Variants in TAFA4 observed in about 807,000 individuals in gnomAD.
TAFA4 encodes TAFA chemokine like family member 4.
Under a neutral mutation model 21.1 loss-of-function variants are expected in TAFA4, and 20 were observed. The observed-to-expected ratio is 0.95, with a 90% CI of 0.67 to 1.38. The LOEUF (loss-of-function observed/expected upper bound fraction) is 1.38, where lower values mean the gene tolerates loss of function less well. Ranked by LOEUF, TAFA4 falls within the 40% of genes most tolerant of loss-of-function variation. The pLI is 0.00. For missense variants in TAFA4, 211 were observed against 180.9 expected, an observed-to-expected ratio of 1.17 and a Z score of -0.95; for synonymous variants, 71 against 67.4, an observed-to-expected ratio of 1.05 and a Z score of -0.26.
At chr3:68,873,905 C>T (rs2089517106) in intron 3 of TAFA4, among the ~76,000 whole-genome samples, 1 of 152,142 alleles carries the variant, frequency 6.6e-6, no homozygotes. Flanking sequence ...GGTATTTATT[C>T]CCAGCCCTTT....
At chr3:68,740,087 T>G (rs778938905) in intron 4 of TAFA4, among the ~76,000 whole-genome samples, 1 of 152,168 alleles carries the variant, frequency 6.6e-6, no homozygotes, top group Non-Finnish European at 1.5e-5. Context: ...GACTGTGCCA[T>G]TGTCTAGATT....
intron 3 of TAFA4, among the ~76,000 whole-genome samples, chr3:68,809,175 CAT>C (rs1703773526): frequency 6.6e-6 from 1 of 152,200 alleles, no homozygotes; most frequent in African/African-American, 2.4e-5. Flanking sequence ...GTGCAAGTTT[CAT>C]GGTTAGCAAC....
intron 4 of TAFA4, among the ~76,000 whole-genome samples, chr3:68,751,514 T>A (rs924278134): frequency 6.6e-6 from 1 of 152,136 alleles, no homozygotes; most frequent in Non-Finnish European, 1.5e-5. Flanking sequence ...ACATTAGACT[T>A]CCCCAGCTGG....
intron 1 of TAFA4, among the ~76,000 whole-genome samples, chr3:68,927,423 A>G (rs1434683773): frequency 6.6e-6 from 1 of 152,178 alleles, no homozygotes; most frequent in Non-Finnish European, 1.5e-5. Flanking sequence ...TGAATAAATA[A>G]TAACTCTAGC....
At chr3:68,734,440 C>A (rs1702204086) in intron 5 of TAFA4, among the ~76,000 whole-genome samples, 1 of 152,046 alleles carries the variant, frequency 6.6e-6, no homozygotes, top group African/African-American at 2.4e-5. Context: ...GAGGGCCGCT[C>A]TTCTATACAG....
intron 3 of TAFA4, among the ~76,000 whole-genome samples, chr3:68,812,660 C>T (rs1703869132): frequency 6.6e-6 from 1 of 152,122 alleles, no homozygotes; most frequent in Admixed American, 6.5e-5. Context: ...TACAGGAGCA[C>T]CCAGATTCAT....
At chr3:68,889,100 T>C (rs1447518050) in intron 1 of TAFA4, among the ~76,000 whole-genome samples, 1 of 152,218 alleles carries the variant, frequency 6.6e-6, no homozygotes, top group African/African-American at 2.4e-5. Flanking sequence ...TTAAAGAGTC[T>C]CAGTGTTTTC....
rs535869826 is a variant in TAFA4, at chr3:68,845,117, A to C, written c.130+35613T>G. ...ATCTAAATTGACAGTGGGGTGTTAA[A>C]GTCTCCCGCTGTTATTGTGTGGGAG... On this transcript the variant is annotated intron_variant, in intron 3 of 5. Transcript: ENST00000295569. Among the ~76,000 whole-genome samples, 8 of 152,296 alleles carry C rather than the reference A, an allele frequency of 5.3e-5. No homozygotes were observed. In the East Asian group the frequency reaches 1.5e-3, roughly 29 times the overall value.
intron 1 of TAFA4, among the ~76,000 whole-genome samples, chr3:68,903,171 G>A (rs2089860773): frequency 6.6e-6 from 1 of 152,054 alleles, no homozygotes; most frequent in South Asian, 2.1e-4. Context: ...TCAGAAGCTG[G>A]AGCAAAGGGT....
At chr3:68,899,262 T>A (rs918867618) in intron 1 of TAFA4, among the ~76,000 whole-genome samples, 1 of 152,208 alleles carries the variant, frequency 6.6e-6, no homozygotes, top group Non-Finnish European at 1.5e-5. Context: ...ACCTCATTAA[T>A]AATTTTTAAT....
intron 3 of TAFA4, among the ~76,000 whole-genome samples, chr3:68,797,993 T>C (rs373224669): frequency 1.3e-5 from 2 of 152,214 alleles, no homozygotes; most frequent in East Asian, 3.8e-4. Context: ...TTTAATGAAA[T>C]AGGTGATGAA....
At chr3:68,850,868 C>A (rs1210797037) in intron 3 of TAFA4, among the ~76,000 whole-genome samples, 1 of 152,008 alleles carries the variant, frequency 6.6e-6, no homozygotes, top group Non-Finnish European at 1.5e-5. Context: ...TTTTTCTGTG[C>A]AGGAGCTTTT....
intron 3 of TAFA4, among the ~76,000 whole-genome samples, chr3:68,866,529 G>A (rs572058000): frequency 7.3e-5 from 11 of 151,620 alleles, no homozygotes; most frequent in South Asian, 2.1e-4. Context: ...ATATATTCAC[G>A]AGAAATAACA....
chr3:68,733,121 T>G lies in TAFA4; in HGVS notation c.*21A>C. The G allele has an allele frequency of 1.9e-6, 3 of 1,613,048 alleles. No individual in the cohort carries two copies. Among genetic ancestry groups the G allele is most frequent in the Non-Finnish European group, 2.5e-6 (3 of 1,179,382 alleles). Reference sequence around the variant, plus strand: ...CCGCCTCCTGCTGCCCCTCCAGGATTGAAGCACACCTCTCTCTTCGCTACC... The same window carrying G: ...CCGCCTCCTGCTGCCCCTCCAGGATGGAAGCACACCTCTCTCTTCGCTACC... On this transcript the variant is annotated 3_prime_UTR_variant, in exon 6 of 6. Transcript: ENST00000295569.
intron 3 of TAFA4, among the ~76,000 whole-genome samples, chr3:68,838,644 C>A (rs934320676): frequency 5.9e-5 from 9 of 152,178 alleles, no homozygotes; most frequent in Non-Finnish European, 1.0e-4. Context: ...ATTATTCTCT[C>A]AGGTTTTTTA....
chr3:68,788,031 A>T (rs1224193464), intron 3 of TAFA4, among the ~76,000 whole-genome samples: 1 of 152,216 alleles, frequency 6.6e-6, no homozygotes, highest in Non-Finnish European at 1.5e-5. Context: ...TTTCTGTAAG[A>T]GGTAAGACTA....
At chr3:68,786,141 CTACTT>C (rs1703256193) in intron 3 of TAFA4, among the ~76,000 whole-genome samples, 1 of 152,082 alleles carries the variant, frequency 6.6e-6, no homozygotes, top group Admixed American at 6.5e-5. Flanking sequence ...AGAGCATTCT[CTACTT>C]TGTGTTTTTT....
At chr3:68,797,087 G>A (rs759613031) in intron 3 of TAFA4, among the ~76,000 whole-genome samples, 6 of 152,184 alleles carry the variant, frequency 3.9e-5, no homozygotes, top group African/African-American at 7.2e-5. Context: ...AAAACAATAC[G>A]GCATTTCCTT....
At chr3:68,800,419 C>G (rs891832041) in intron 3 of TAFA4, among the ~76,000 whole-genome samples, 1 of 152,162 alleles carries the variant, frequency 6.6e-6, no homozygotes, top group Non-Finnish European at 1.5e-5. Flanking sequence ...GACCCTGAAC[C>G]CCAGTGAGCA....
Sources: gnomAD v4.1 joint callset for allele counts (sites outside exome capture counted in the v4.1 genomes callset) on GRCh38, gnomAD v4.1.1 for gene constraint, MANE v1.5 for transcripts, NCBI Gene and HGNC (gene_info 2026-07-23, HGNC 2026-07-21) for gene names.